Variants in SESN2 observed in about 807,000 individuals in gnomAD.
The protein encoded by SESN2 is sestrin 2, also known as sestrin-2.
SESN2 carries 42 observed loss-of-function variants against 56.0 expected under a neutral mutation model. The observed-to-expected ratio is 0.75, with a 90% confidence interval of 0.59 to 0.97. SESN2 has a LOEUF of 0.97. Ranked by LOEUF, SESN2 falls within the 50% of genes least tolerant of loss-of-function variation. The probability of loss-of-function intolerance (pLI) is 0.00; values close to 1 mark genes in which losing one functional copy is unlikely to be tolerated. For missense variants in SESN2, 507 were observed against 649.4 expected (o/e 0.78, Z 2.38); for synonymous variants, 264 against 267.1 (o/e 0.99, Z 0.11).
In SESN2 at chr1:28,279,236, G is replaced by T. The variant is rs760144125; in HGVS notation, c.1351G>T (p.Glu451Ter). The T allele has an allele frequency of 6.2e-7, 1 of 1,614,058 alleles. No homozygotes were observed. Among genetic ancestry groups the T allele is most frequent in the South Asian group, 1.1e-5 (1 of 91,074 alleles). Residue 451 changes from glutamate to a stop codon, truncating the protein, a stop_gained, in exon 9 of 10, where the codon GAG (glutamate) becomes TAG (stop). Coordinates refer to ENST00000253063, the MANE Select transcript of SESN2 (RefSeq NM_031459.5). LOFTEE classifies it high-confidence loss of function. ...CTTCTGGAGGCACTTCCGCCACTCA[G>T]AGAAGGTATGACCTATACAGGCAGG... ...NLFWRHFRHS[E>*]KVHVNLLLLE...
At position 28,260,065 on chromosome 1, in the gene SESN2, C is replaced by T. The variant is rs571034395; in HGVS notation, c.90+128C>T. On this transcript the variant is annotated intron_variant, in intron 1 of 9. Transcript: ENST00000253063. The stretch of plus-strand genomic sequence containing the variant: ...GAAAGCCGAGCGCGTAACCCGGGAC[C>T]CGGGTTGCATCAACTGGCAGCCGCG... The T allele has an allele frequency of 7.7e-6, 5 of 652,136 alleles. No individual in the cohort carries two copies. The East Asian group carries it at 1.7e-4, about 23-fold the overall frequency. The allele number at this position is 652,136 out of a possible 1,614,324, so 40.4% of individuals were successfully genotyped here. A position where few individuals can be genotyped will look rare whatever the true frequency, so the allele number is the denominator to read the frequency against.
intron 8 of SESN2, among the ~76,000 whole-genome samples, chr1:28,276,569 C>CTTTT: frequency 1.5e-5 from 2 of 133,326 alleles, no homozygotes; most frequent in African/African-American, 6.1e-5. Flanking sequence ...CTTTTTCTTT[C>CTTTT]CTTTTTTTTT....
chr1:28,270,648 C>T (rs1647737218), intron 2 of SESN2, among the ~76,000 whole-genome samples: 3 of 151,886 alleles, frequency 2.0e-5, no homozygotes, highest in East Asian at 1.9e-4. Context: ...CTTGGCTCAC[C>T]GCAACCTCTG....
intron 1 of SESN2, among the ~76,000 whole-genome samples, chr1:28,268,013 G>A (rs1001580025): frequency 9.9e-5 from 15 of 152,198 alleles, no homozygotes; most frequent in African/African-American, 3.4e-4. Context: ...GACTATTGTG[G>A]TTTAGCTTTG....
At position 28,272,635 on chromosome 1, in the gene SESN2, C is replaced by T; in HGVS notation, c.592C>T (p.Leu198=). The change falls in exon 5 of 10, where the codon CTG becomes TTG. Residue 198 remains leucine (L), a synonymous_variant. Transcript: ENST00000253063. ...TWSLAELIQA[L]VLLTHCHSLS... ...GTCCCTGGCCGAGCTCATTCAGGCT[C>T]TGGTCCTGCTCACCCACTGCCACTC... The T allele has an allele frequency of 6.2e-7, 1 of 1,614,196 alleles. No individual in the cohort carries two copies. Among genetic ancestry groups the T allele is most frequent in the Non-Finnish European group, 8.5e-7 (1 of 1,180,028 alleles).
At chr1:28,275,138 A>G in intron 8 of SESN2, 123 bp downstream of exon 8, 1 of 678,196 alleles carries the variant, frequency 1.5e-6, no homozygotes, top group Non-Finnish European at 2.3e-6. Flanking sequence ...ACTGTTTTTC[A>G]AAGCAAATTG....
At chr1:28,269,344 C>T in intron 2 of SESN2, 96 bp downstream of exon 2, 1 of 764,416 alleles carries the variant, frequency 1.3e-6, no homozygotes, top group South Asian at 1.8e-5. Context: ...TAAATTGCAG[C>T]TTTTAAGCTA....
intron 2 of SESN2, among the ~76,000 whole-genome samples, chr1:28,270,237 G>A (rs1647714219): frequency 6.6e-6 from 1 of 151,948 alleles, no homozygotes; most frequent in South Asian, 2.1e-4. Flanking sequence ...TGTAATCCCA[G>A]CTACTCTGGA....
At chr1:28,279,861 G>GT (rs111777051) in intron 9 of SESN2, among the ~76,000 whole-genome samples, 5,554 of 146,634 alleles carry the variant, frequency 0.038, 131 homozygotes, top group Middle Eastern at 0.056. Context: ...TTTTTATCCT[G>GT]TTTTTTTTTT....
At chr1:28,259,967 C>A (rs1297051360) in intron 1 of SESN2, 30 bp downstream of exon 1, 1 of 1,464,646 alleles carries the variant, frequency 6.8e-7, no homozygotes, top group Non-Finnish European at 9.1e-7. Flanking sequence ...CGCCCCTCTT[C>A]CCTGGAACCC....
rs992991731 is a variant in SESN2 at position 28,280,854 on chromosome 1, C to G, written c.*52C>G. ...CAGCTCCCCACAAGGACTTCTCTGT[C>G]TGGAGACAGCCCCAGACCCTTTTGT... On this transcript the variant is annotated 3_prime_UTR_variant, in exon 10 of 10. Transcript: ENST00000253063. The G allele has an allele frequency of 7.1e-7, 1 of 1,404,852 alleles. No homozygotes were observed. Among genetic ancestry groups the G allele is most frequent in the Non-Finnish European group, 1.0e-6 (1 of 994,028 alleles). The allele number at this position is 1,404,852 out of a possible 1,614,324, so 87.0% of individuals were successfully genotyped here.
intron 9 of SESN2, among the ~76,000 whole-genome samples, chr1:28,279,831 C>G (rs1259056597): frequency 6.6e-6 from 1 of 151,344 alleles, no homozygotes; most frequent in Non-Finnish European, 1.5e-5. Flanking sequence ...TGTGAGTCAT[C>G]GTGCCTGGCC....
At position 28,271,891 on chromosome 1, in the gene SESN2, A is replaced by C; in HGVS notation, c.354+20A>C. 6.2e-7 allele frequency: 1 copy of C among 1,612,564 alleles called. No individual in the cohort carries two copies. On this transcript the variant is annotated intron_variant, in intron 3 of 9. Coordinates refer to ENST00000253063, the MANE Select transcript of SESN2 (RefSeq NM_031459.5). Reference sequence around the variant, plus strand: ...ATCATGGTGAGCCTCTCTGGGCCTGACACTTGGAGAGGTGGCTTTGTGGTG... The same window carrying C: ...ATCATGGTGAGCCTCTCTGGGCCTGCCACTTGGAGAGGTGGCTTTGTGGTG...
chr1:28,278,502 G>A (rs1648125795), intron 8 of SESN2, among the ~76,000 whole-genome samples: 1 of 152,214 alleles, frequency 6.6e-6, no homozygotes, highest in Non-Finnish European at 1.5e-5. Flanking sequence ...AGGAGGCTGA[G>A]GTTGCGGTGA....
chr1:28,262,636 A>C (rs1187207177), intron 1 of SESN2, among the ~76,000 whole-genome samples: 1 of 149,638 alleles, frequency 6.7e-6, no homozygotes, highest in South Asian at 2.1e-4. Flanking sequence ...AAAAAAAAAA[A>C]AAAAAAACCA....
At chr1:28,270,698 G>T (rs146862326) in intron 2 of SESN2, among the ~76,000 whole-genome samples, 1 of 151,872 alleles carries the variant, frequency 6.6e-6, no homozygotes, top group South Asian at 2.1e-4. Flanking sequence ...CAAGCCTCCC[G>T]AGTAGCTGGG....
chr1:28,272,484 G>A lies in SESN2; in HGVS notation c.537+18G>A, dbSNP rs751196350. On this transcript the variant is annotated intron_variant, in intron 4 of 9. Transcript: ENST00000253063. ...ACATCCAGGTGCAGGGGGCAGAGAGGCGGGTGTCTGAGGGAGCACAGAGGC... is the reference window on the plus strand; with the variant it reads ...ACATCCAGGTGCAGGGGGCAGAGAGACGGGTGTCTGAGGGAGCACAGAGGC... The A allele has an allele frequency of 3.7e-6, 6 of 1,610,550 alleles. No individual in the cohort carries two copies. The highest frequency in any genetic ancestry group is 5.1e-6 in the Non-Finnish European group (6 of 1,178,844).
intron 3 of SESN2, 118 bp from the exon 4 acceptor site, chr1:28,272,166 A>T: frequency 9.1e-7 from 1 of 1,103,216 alleles, no homozygotes; most frequent in Non-Finnish European, 1.3e-6. Context: ...CTTAGAACTT[A>T]GATTTCCTGC....
At chr1:28,275,244 C>CAT (rs532142431) in intron 8 of SESN2, among the ~76,000 whole-genome samples, 1 of 151,680 alleles carries the variant, frequency 6.6e-6, no homozygotes, top group African/African-American at 2.4e-5. Flanking sequence ...TATTTATGTA[C>CAT]ATATATATAC....
Sources: allele counts gnomAD v4.1 joint callset (sites outside exome capture counted in the v4.1 genomes callset), GRCh38; gene constraint gnomAD v4.1.1; transcripts MANE v1.5; gene names NCBI Gene and HGNC (gene_info 2026-07-23, HGNC 2026-07-21).